CDH6: variants seen among roughly 807,000 people sequenced by gnomAD.
CDH6 encodes cadherin 6.
In CDH6, 31 loss-of-function variants were observed where a neutral mutation model predicts 78.0. The observed-to-expected ratio is 0.40, with a 90% confidence interval of 0.30 to 0.54. CDH6 has a LOEUF of 0.54. Ranked by LOEUF, CDH6 falls within the 20% of genes least tolerant of loss-of-function variation. The pLI, the probability that CDH6 is intolerant of heterozygous loss-of-function variation, is 0.56. For missense variants in CDH6, 724 were observed against 975.9 expected (o/e 0.74, Z 3.44); for synonymous variants, 376 against 368.8 (o/e 1.02, Z -0.23).
At chr5:31,255,580 C>T (rs1338799819) in intron 1 of CDH6, among the ~76,000 whole-genome samples, 1 of 152,072 alleles carries the variant, frequency 6.6e-6, no homozygotes, top group Non-Finnish European at 1.5e-5. Flanking sequence ...ATCCAGCATC[C>T]CATTCAAACA....
chr5:31,225,743 C>A (rs1183034566), intron 1 of CDH6, among the ~76,000 whole-genome samples: 1 of 152,090 alleles, frequency 6.6e-6, no homozygotes. Flanking sequence ...GATTACAATT[C>A]GACATGAGAT....
At chr5:31,213,124 T>C (rs1407852426) in intron 1 of CDH6, among the ~76,000 whole-genome samples, 1 of 152,218 alleles carries the variant, frequency 6.6e-6, no homozygotes, top group Non-Finnish European at 1.5e-5. Flanking sequence ...ATGCGTACTC[T>C]TCAAATCTGA....
intron 1 of CDH6, among the ~76,000 whole-genome samples, chr5:31,229,105 A>ACTATATCATTTTATTTAAT (rs1741244304): frequency 6.6e-6 from 1 of 152,210 alleles, no homozygotes; most frequent in Non-Finnish European, 1.5e-5. Context: ...AAGGGTACCA[A>ACTATATCATTTTATTTAAT]CTGCCCAAAC....
At chr5:31,220,422 A>G (rs1740974823) in intron 1 of CDH6, among the ~76,000 whole-genome samples, 1 of 152,208 alleles carries the variant, frequency 6.6e-6, no homozygotes, top group South Asian at 2.1e-4. Context: ...TCTTAGAGTT[A>G]GTGTGAGTTA....
chr5:31,200,831 C>A, intron 1 of CDH6, among the ~76,000 whole-genome samples: 1 of 152,002 alleles, frequency 6.6e-6, no homozygotes, highest in East Asian at 1.9e-4. Flanking sequence ...CTATTGCCGC[C>A]ATTCAAAAAG....
At chr5:31,283,349 C>T (rs558944069) in intron 2 of CDH6, among the ~76,000 whole-genome samples, 1 of 152,220 alleles carries the variant, frequency 6.6e-6, no homozygotes, top group Non-Finnish European at 1.5e-5. Context: ...TGTAAAAACA[C>T]AGGGAAAAAA....
chr5:31,208,855 T>A (rs1387239919), intron 1 of CDH6, among the ~76,000 whole-genome samples: 1 of 152,228 alleles, frequency 6.6e-6, no homozygotes, highest in Non-Finnish European at 1.5e-5. Context: ...ACCTTGAACA[T>A]GGCTGTACCA....
At chr5:31,288,521 T>G (rs17476773) in intron 2 of CDH6, among the ~76,000 whole-genome samples, 2,644 of 152,316 alleles carry the variant, frequency 0.017, 41 homozygotes, top group Non-Finnish European at 0.025. Flanking sequence ...TTTATTAGCA[T>G]TACGTATACA....
chr5:31,203,710 G>A (rs1740435567), intron 1 of CDH6, among the ~76,000 whole-genome samples: 1 of 151,726 alleles, frequency 6.6e-6, no homozygotes, highest in Non-Finnish European at 1.5e-5. Context: ...ATAAACATAC[G>A]TGTGCATGTG....
intron 8 of CDH6, 139 bp downstream of exon 8, chr5:31,313,593 G>A (rs1738216452): frequency 1.4e-6 from 1 of 734,068 alleles, no homozygotes; most frequent in Non-Finnish European, 2.2e-6. Context: ...GGAGTGGTTT[G>A]CAGTAATGTT....
chr5:31,243,328 A>G (rs1741655556), intron 1 of CDH6, among the ~76,000 whole-genome samples: 1 of 152,136 alleles, frequency 6.6e-6, no homozygotes, highest in Admixed American at 6.5e-5. Context: ...TTACTAAGCC[A>G]TCTTTAAGCC....
At chr5:31,296,652 A>T (rs1206418289) in intron 3 of CDH6, among the ~76,000 whole-genome samples, 6 of 152,184 alleles carry the variant, frequency 3.9e-5, no homozygotes, top group Non-Finnish European at 7.3e-5. Flanking sequence ...AGTAACAAGA[A>T]ATCCAACTCG....
chr5:31,265,189 T>G (rs575509132), intron 1 of CDH6, among the ~76,000 whole-genome samples: 2 of 152,296 alleles, frequency 1.3e-5, no homozygotes, highest in Non-Finnish European at 2.9e-5. Context: ...TGAATAGATG[T>G]CTTTAGAGGG....
intron 11 of CDH6, among the ~76,000 whole-genome samples, chr5:31,322,337 TA>T (rs34633657): frequency 0.061 from 8,761 of 143,046 alleles, 671 homozygotes; most frequent in African/African-American, 0.18. Context: ...TTTTCTCAGG[TA>T]AAAAAAAAAA....
intron 2 of CDH6, among the ~76,000 whole-genome samples, chr5:31,270,428 T>C (rs1007747765): frequency 1.3e-5 from 2 of 152,242 alleles, no homozygotes; most frequent in Admixed American, 1.3e-4. Flanking sequence ...ACAAATGGTA[T>C]GTGTGCATCT....
In CDH6 at chr5:31,252,328, G is replaced by GTGTGTGTGTGT. The variant is rs1554006112; in HGVS notation, c.-128-15018_-128-15017insTGTGTGTGTGT. On this transcript the variant is annotated intron_variant, in intron 1 of 11. Coordinates refer to ENST00000265071, the MANE Select transcript of CDH6 (RefSeq NM_004932.4). ...CTTTTAAGGTGTATTATGTGTGTGT[G>GTGTGTGTGTGT]GTGTGTGTGTGTGTGTGTGTGTGTA... Among the ~76,000 whole-genome samples, 1,322 of 149,002 alleles carry GTGTGTGTGTGT rather than the reference G, an allele frequency of 8.9e-3. 8 individuals are homozygous for GTGTGTGTGTGT. Among genetic ancestry groups the GTGTGTGTGTGT allele is most frequent in the Non-Finnish European group, 0.014 (919 of 67,118 alleles).
At chr5:31,217,888 A>G (rs1326630556) in intron 1 of CDH6, among the ~76,000 whole-genome samples, 1 of 152,226 alleles carries the variant, frequency 6.6e-6, no homozygotes, top group Non-Finnish European at 1.5e-5. Context: ...CAGTTAAAAC[A>G]TTGTTAAATT....
chr5:31,256,172 T>A (rs1012240208), intron 1 of CDH6, among the ~76,000 whole-genome samples: 7 of 152,244 alleles, frequency 4.6e-5, no homozygotes, highest in Admixed American at 3.9e-4. Context: ...TTCATACATT[T>A]TTTTTCATTT....
At chr5:31,316,459 A>G in intron 9 of CDH6, 130 bp downstream of exon 9, 1 of 748,950 alleles carries the variant, frequency 1.3e-6, no homozygotes, top group Non-Finnish European at 2.1e-6. Context: ...GGAAATTAAT[A>G]CTATAAATAA....
Sources: allele counts gnomAD v4.1 joint callset (sites outside exome capture counted in the v4.1 genomes callset), GRCh38; gene constraint gnomAD v4.1.1; transcripts MANE v1.5; gene names NCBI Gene and HGNC (gene_info 2026-07-23, HGNC 2026-07-21).